Variants in GP6 observed in about 807,000 individuals in gnomAD.
GP6 encodes the protein platelet glycoprotein VI.
A neutral mutation model predicts 37.3 loss-of-function variants in GP6; 45 were observed. The observed-to-expected ratio is 1.21, with a 90% CI of 0.95 to 1.55. The LOEUF is 1.55. Among genes scored for constraint, GP6 ranks in the 40% most tolerant of loss-of-function variants. GP6 has a pLI of 0.00. For synonymous variants in GP6, 340 were observed against 316.4 expected (o/e 1.07, Z -0.79); for missense variants, 813 against 760.2 (o/e 1.07, Z -0.82).
chr19:55,030,611 G>A (rs2074524102), intron 3 of GP6, among the ~76,000 whole-genome samples: 1 of 151,870 alleles, frequency 6.6e-6, no homozygotes, highest in African/African-American at 2.4e-5. Context: ...CCAAAGTACT[G>A]GGATTACAGG....
At chr19:55,033,099 C>T (rs75427922) in intron 1 of GP6, among the ~76,000 whole-genome samples, 4 of 20,952 alleles carry the variant, frequency 1.9e-4, no homozygotes, top group Non-Finnish European at 3.7e-4. Context: ...ACACGGTGGA[C>T]TCGTTCGTGT....
intron 6 of GP6, among the ~76,000 whole-genome samples, chr19:55,017,485 C>T (rs1189801966): frequency 2.6e-5 from 4 of 152,000 alleles, no homozygotes; most frequent in African/African-American, 7.3e-5. Flanking sequence ...CCAGCCTGGA[C>T]GGTCAAGGCT....
At chr19:55,029,358 ATATATATATATATATATTTTTTTTTTT>A (rs1568629046) in intron 3 of GP6, among the ~76,000 whole-genome samples, 12 of 2,632 alleles carry the variant, frequency 4.6e-3, no homozygotes, top group Non-Finnish European at 3.7e-3. Context: ...ATATATATAT[ATATATATATATATATATTTTTTTTTTT>A]TTTTTTTTTT....
intron 5 of GP6, among the ~76,000 whole-genome samples, chr19:55,024,304 A>ACGCACACGCACGCACACG (rs1568612798): frequency 1.3e-5 from 1 of 75,738 alleles, no homozygotes; most frequent in African/African-American, 5.1e-5. Context: ...ACGCATGCAC[A>ACGCACACGCACGCACACG]CACATATGCA....
In GP6 at chr19:55,024,939, C is replaced by T. The variant is rs115970572; in HGVS notation, c.664+279G>A. Among the ~76,000 whole-genome samples, 453 of 152,228 alleles carry T rather than the reference C, an allele frequency of 3.0e-3. 8 individuals are homozygous for T. The highest frequency in any genetic ancestry group is 0.011 in the African/African-American group (439 of 41,520). ...GTTTGTTTTTGTCACCCATATTCAA[C>T]CAGCTGGACTCCACAGTATAGCAAG... On this transcript the variant is annotated intron_variant, in intron 5 of 7. Coordinates refer to ENST00000310373, the MANE Select transcript of GP6 (RefSeq NM_001083899.2).
In GP6 at chr19:55,014,530, GGATTTTGCACA is replaced by G; in HGVS notation, c.1404_1414del (p.Val469SerfsTer51). 6.2e-7 allele frequency: 1 copy of G among 1,613,896 alleles called. No homozygotes were observed. The highest frequency in any genetic ancestry group is 8.5e-7 in the Non-Finnish European group (1 of 1,179,776). ...CAGAGGGCCAAAGGGAAGCACGGGA[GGATTTTGCACA>G]GAGGATGGAACAGAGTCAACCCTGA... On this transcript the variant is annotated frameshift_variant, in exon 8 of 8. Transcript: ENST00000310373. LOFTEE classifies it low-confidence loss of function (END_TRUNC).
In GP6 at chr19:55,014,705, C is replaced by T. The variant is rs370026589; in HGVS notation, c.1240G>A (p.Asp414Asn). The T allele has an allele frequency of 1.2e-6, 2 of 1,614,026 alleles. No individual in the cohort carries two copies. The highest frequency in any genetic ancestry group is 2.7e-5 in the African/African-American group (2 of 74,998). Residue 414 changes from aspartate (D) to asparagine (N), a missense_variant, in exon 8 of 8, where the codon GAT (aspartate) becomes AAT (asparagine). Asp to Asn is a conservative substitution (Grantham distance 23). Transcript: ENST00000310373. ...TGGGGTCTCCACAGATTCCTTCCAT[C>T]CCAAATGGAGGGTGCCCTCAGACAG...
At chr19:55,034,156 G>A (rs951904355) in intron 1 of GP6, among the ~76,000 whole-genome samples, 4 of 137,978 alleles carry the variant, frequency 2.9e-5, no homozygotes, top group Admixed American at 7.1e-5. Context: ...ATGCATGTGT[G>A]TGTGTGTGTG....
chr19:55,015,866 G>A (rs944506151), intron 6 of GP6, 133 bp from the exon 7 acceptor site: 11 of 709,104 alleles, frequency 1.6e-5, no homozygotes, highest in Non-Finnish European at 2.1e-5. Context: ...GGCCGGGCAC[G>A]GTGCCTCATG....
rs559582206 is a variant in GP6 at position 55,031,449 on chromosome 19, A to T, written c.325+690T>A. On this transcript the variant is annotated intron_variant, in intron 3 of 7. Transcript: ENST00000310373. ...GCAGTGTAGCAAGACCCCATCGCTA[A>T]TTTTTTTAAGTGCATTAAAACACAG... Among the ~76,000 whole-genome samples, 14 of 152,116 alleles carry T rather than the reference A, an allele frequency of 9.2e-5. No individual in the cohort carries two copies. The East Asian group carries it at 2.7e-3, about 30-fold the overall frequency.
rs774503825 is a variant in GP6 at position 55,014,163 on chromosome 19, G to A, written c.1782C>T (p.His594=). 4 of 701,750 alleles carry A rather than the reference G, an allele frequency of 5.7e-6. No homozygotes were observed. Among genetic ancestry groups the A allele is most frequent in the African/African-American group, 1.7e-5 (1 of 57,304 alleles). The allele number at this position is 701,750 out of a possible 1,614,324, so 43.5% of individuals were successfully genotyped here. ...TCGTCACCCGAGCTAGAGTGCAGTG[G>A]TGTGATCTCAGCTCACTGCAACCTC... Residue 594 remains histidine (H), a synonymous_variant, in exon 8 of 8, where the codon CAC becomes CAT. Transcript: ENST00000310373.
chr19:55,033,725 ATTATTGTATT>A (rs2074702136), intron 1 of GP6, among the ~76,000 whole-genome samples: 1 of 152,120 alleles, frequency 6.6e-6, no homozygotes, highest in South Asian at 2.1e-4. Context: ...CATATTGTAT[ATTATTGTATT>A]TTATTGTCTA....
At chr19:55,025,657 G>A (rs2146799998) in intron 4 of GP6, among the ~76,000 whole-genome samples, 1 of 151,884 alleles carries the variant, frequency 6.6e-6, no homozygotes, top group Middle Eastern at 3.4e-3. Flanking sequence ...AGTGATCTGA[G>A]ATCGCACCAC....
chr19:55,025,141 T>C (rs765028911), intron 5 of GP6, 77 bp downstream of exon 5: 18 of 795,568 alleles, frequency 2.3e-5, no homozygotes, highest in African/African-American at 3.4e-5. Context: ...AATCGAGAAG[T>C]CTAGGCAGAG....
chr19:55,033,382 ACTCGTTCGTGTTGTGTTAGACACG>A (rs2074681177), intron 1 of GP6, among the ~76,000 whole-genome samples: 2 of 7,714 alleles, frequency 2.6e-4, no homozygotes, highest in Non-Finnish European at 5.1e-4. Context: ...GACACGGTGG[ACTCGTTCGTGTTGTGTTAGACACG>A]GTGGGCTCGT....
intron 1 of GP6, among the ~76,000 whole-genome samples, chr19:55,036,322 G>A (rs1456838824): frequency 6.6e-6 from 1 of 152,020 alleles, no homozygotes; most frequent in Non-Finnish European, 1.5e-5. Flanking sequence ...CAGGTGACAG[G>A]TGCACTAAAA....
intron 4 of GP6, among the ~76,000 whole-genome samples, chr19:55,025,596 C>A (rs1307930639): frequency 3.3e-5 from 5 of 151,904 alleles, no homozygotes; most frequent in African/African-American, 1.2e-4. Context: ...ATCCCAGCTG[C>A]TCGGGAGGCT....
At chr19:55,037,554 C>T (rs1471092225) in intron 1 of GP6, among the ~76,000 whole-genome samples, 1 of 149,142 alleles carries the variant, frequency 6.7e-6, no homozygotes, top group Non-Finnish European at 1.5e-5. Flanking sequence ...TCAGGCTGGT[C>T]TCAAACTCCC....
chr19:55,031,706 C>T (rs1602616956), intron 3 of GP6, among the ~76,000 whole-genome samples: 2 of 152,250 alleles, frequency 1.3e-5, no homozygotes, highest in East Asian at 3.9e-4. Context: ...AGCTTGAGCC[C>T]ACAGGAGTTC....
Sources: gnomAD v4.1 joint callset for allele counts (sites outside exome capture counted in the v4.1 genomes callset) on GRCh38, gnomAD v4.1.1 for gene constraint, MANE v1.5 for transcripts, NCBI Gene and HGNC (gene_info 2026-07-23, HGNC 2026-07-21) for gene names.